The following NDUFB2 variants were observed in gnomAD, a reference collection of about 807,000 sequenced individuals.
NDUFB2 encodes NADH:ubiquinone oxidoreductase subunit B2, also known as NADH dehydrogenase [ubiquinone] 1 beta subcomplex subunit 2, mitochondrial.
NDUFB2 carries 13 observed loss-of-function variants against 13.4 expected under a neutral mutation model. The observed-to-expected ratio is 0.97, with a 90% confidence interval of 0.63 to 1.54. The LOEUF (loss-of-function observed/expected upper bound fraction) is 1.54. Among genes scored for constraint, NDUFB2 ranks in the 40% most tolerant of loss-of-function variants. The pLI is 0.00. For synonymous variants in NDUFB2, 47 were observed against 50.6 expected (o/e 0.93, Z 0.30); for missense variants, 150 against 139.7 (o/e 1.07, Z -0.37).
At chr7:140,702,417 G>A (rs1794910111) in intron 1 of NDUFB2, 1 of 236,244 alleles carries the variant, frequency 4.2e-6, no homozygotes. Flanking sequence ...TAGGATTTGC[G>A]AGTCCTCTCT....
intron 2 of NDUFB2, 36 bp downstream of exon 2, chr7:140,703,046 G>A (rs1305437114): frequency 6.2e-7 from 1 of 1,604,522 alleles, no homozygotes; most frequent in Non-Finnish European, 8.5e-7. Context: ...CGTTTTTTGG[G>A]TGGGGGAGGG....
chr7:140,702,778 G>A, intron 1 of NDUFB2, 88 bp from the exon 2 acceptor site: 1 of 1,430,296 alleles, frequency 7.0e-7, no homozygotes, highest in South Asian at 1.3e-5. Flanking sequence ...CATTAGCGTT[G>A]GTTCTAGGAT....
intron 2 of NDUFB2, 114 bp from the exon 3 acceptor site, chr7:140,704,745 AG>A: frequency 1.5e-6 from 1 of 677,748 alleles, no homozygotes; most frequent in Non-Finnish European, 2.3e-6. Context: ...TCCTGTGGTC[AG>A]GGGCTGAGCC....
chr7:140,704,806 G>T, intron 2 of NDUFB2, 54 bp from the exon 3 acceptor site: 19 of 1,117,256 alleles, frequency 1.7e-5, no homozygotes, highest in South Asian at 3.1e-5. Flanking sequence ...AATTTAATTA[G>T]TTGCACAGAA....
intron 1 of NDUFB2, 34 bp downstream of exon 1, chr7:140,696,876 G>T: frequency 6.4e-7 from 1 of 1,561,494 alleles, no homozygotes; most frequent in Non-Finnish European, 8.7e-7. Flanking sequence ...GGCCTCGCCG[G>T]CCTGTAGCGG....
At chr7:140,702,552 C>T in intron 1 of NDUFB2, 1 of 304,306 alleles carries the variant, frequency 3.3e-6, no homozygotes, top group East Asian at 6.2e-5. Flanking sequence ...CTAACAAGTT[C>T]ACAGTCCCTT....
chr7:140,698,174 C>T (rs773908880), intron 1 of NDUFB2: 22 of 1,351,914 alleles, frequency 1.6e-5, no homozygotes, highest in Non-Finnish European at 2.2e-5. Context: ...GAAGGCAAAG[C>T]CCTGTGTGAC....
chr7:140,702,565 C>G, intron 1 of NDUFB2: 1 of 333,258 alleles, frequency 3.0e-6, no homozygotes, highest in Non-Finnish European at 5.5e-6. Context: ...AGTCCCTTAA[C>G]TAAAACCTTT....
intron 1 of NDUFB2, 33 bp downstream of exon 1, chr7:140,696,875 G>C (rs895942639): frequency 1.2e-5 from 18 of 1,562,418 alleles, no homozygotes; most frequent in Non-Finnish European, 1.6e-5. Flanking sequence ...GGGCCTCGCC[G>C]GCCTGTAGCG....
chr7:140,701,178 GT>G (rs1321518283), intron 1 of NDUFB2: 7 of 152,200 alleles, frequency 4.6e-5, no homozygotes, highest in African/African-American at 1.4e-4. Flanking sequence ...CTAGTTAAAA[GT>G]TATGTCTTTG....
intron 2 of NDUFB2, 120 bp from the exon 3 acceptor site, chr7:140,704,740 T>A: frequency 1.6e-6 from 1 of 621,628 alleles, no homozygotes; most frequent in Non-Finnish European, 2.6e-6. Flanking sequence ...TTTGTTCCTG[T>A]GGTCAGGGGC....
At chr7:140,699,960 C>T (rs915897048) in intron 1 of NDUFB2, among the ~76,000 whole-genome samples, 1 of 151,172 alleles carries the variant, frequency 6.6e-6, no homozygotes, top group African/African-American at 2.4e-5. Context: ...GTCATTGTTC[C>T]TGTGATATAA....
Position 140,702,887 on chromosome 7 carries a change from T to G in NDUFB2, c.120T>G (p.Ile40Met). The G allele has an allele frequency of 6.2e-7, 1 of 1,614,106 alleles. No individual in the cohort carries two copies. The highest frequency in any genetic ancestry group is 8.5e-7 in the Non-Finnish European group (1 of 1,180,042). Residue 40 changes from isoleucine to methionine, a missense_variant, in exon 2 of 4, where the codon ATT becomes ATG. Physicochemically the swap from Ile to Met is conservative, Grantham distance 10. Coordinates refer to ENST00000247866, the MANE Select transcript of NDUFB2 (RefSeq NM_004546.3). ...GCAGTGCCGGTGGTGGTGTGCACAT[T>G]GAGCCCCGGTATAGACAGTTCCCCC... ...GVRHAGGGVHIEPRYRQFPQL... is the reference protein window; with the variant it reads ...GVRHAGGGVHMEPRYRQFPQL...
chr7:140,702,690 A>G, intron 1 of NDUFB2, 176 bp from the exon 2 acceptor site: 1 of 734,926 alleles, frequency 1.4e-6, no homozygotes, highest in African/African-American at 1.8e-5. Flanking sequence ...TTGCTGCTAC[A>G]CATGAAGCAA....
intron 1 of NDUFB2, 94 bp downstream of exon 1, chr7:140,696,936 G>A: frequency 8.3e-7 from 1 of 1,200,390 alleles, no homozygotes; most frequent in Non-Finnish European, 1.2e-6. Flanking sequence ...CGCCTGAAGA[G>A]GCCGCGTCCC....
intron 1 of NDUFB2, chr7:140,697,475 GC>G: frequency 1.4e-6 from 1 of 695,750 alleles, no homozygotes; most frequent in Non-Finnish European, 2.6e-6. Context: ...CCGCGAGGTG[GC>G]CCGAGACGCA....
In NDUFB2 at chr7:140,704,946, C is replaced by G; in HGVS notation, c.*12C>G. 1 of 1,558,054 alleles carries G rather than the reference C, an allele frequency of 6.4e-7. No homozygotes were observed. The highest frequency in any genetic ancestry group is 2.3e-5 in the East Asian group (1 of 43,644). ...ATGATGAAGACTGAAGGTGTAGACT[C>G]AGCCTCACTCTGTACAAGTGGGTGT... On this transcript the variant is annotated 3_prime_UTR_variant, in exon 3 of 4. Transcript: ENST00000247866.
chr7:140,697,524 G>A (rs1234656965), intron 1 of NDUFB2: 1 of 434,312 alleles, frequency 2.3e-6, no homozygotes, highest in Non-Finnish European at 3.7e-6. Flanking sequence ...GAGGTAGGGA[G>A]CGGGTGCGAG....
At chr7:140,704,333 C>A (rs989233737) in intron 2 of NDUFB2, among the ~76,000 whole-genome samples, 4 of 152,174 alleles carry the variant, frequency 2.6e-5, no homozygotes, top group African/African-American at 9.7e-5. Flanking sequence ...TGTCTGTGAA[C>A]TGTCCACACA....
Sources: allele counts gnomAD v4.1 joint callset (sites outside exome capture counted in the v4.1 genomes callset), GRCh38; gene constraint gnomAD v4.1.1; transcripts MANE v1.5; gene names NCBI Gene and HGNC (gene_info 2026-07-23, HGNC 2026-07-21).